GRIPAP1: variants seen among roughly 807,000 people sequenced by gnomAD.
The protein encoded by GRIPAP1 is GRIP1 associated protein 1.
Under a neutral mutation model 84.1 loss-of-function variants are expected in GRIPAP1, and 14 were observed. That is an observed-to-expected ratio of 0.17 (90% CI 0.11 to 0.26). The LOEUF is 0.26. GRIPAP1 is among the 10% of genes least tolerant of loss of function. The pLI is 1.00. For missense variants in GRIPAP1, 518 were observed against 674.2 expected (o/e 0.77, Z 2.57); for synonymous variants, 261 against 256.8 (o/e 1.02, Z -0.15).
intron 5 of GRIPAP1, among the ~76,000 whole-genome samples, chrX:48,994,656 G>C (rs2064537941): frequency 8.9e-6 from 1 of 111,858 alleles, no homozygotes; most frequent in African/African-American, 3.2e-5. Flanking sequence ...GAAAATTCCA[G>C]TACTCTCTGT....
Position 48,976,334 on chromosome X carries a change from G to T in GRIPAP1, c.2091C>A (p.Pro697=). Residue 697 remains proline, a synonymous_variant, in exon 23 of 26, where the codon CCC becomes CCA. Coordinates refer to ENST00000376423, the MANE Select transcript of GRIPAP1 (RefSeq NM_020137.5). Reference sequence around the variant, plus strand: ...CATCTGACAGCTCTGCTGGCCGAGGGGGCTGGGCTTGAGGGCTGCTGGATA... The same window carrying T: ...CATCTGACAGCTCTGCTGGCCGAGGTGGCTGGGCTTGAGGGCTGCTGGATA... ...RSLSSSPQAQ[P]PRPAELSDEE... is the part of the protein sequence containing the mutation. The T allele has an allele frequency of 8.3e-7, 1 of 1,199,962 alleles. No homozygotes were observed. The highest frequency in any genetic ancestry group is 1.1e-6 in the Non-Finnish European group (1 of 889,947).
In GRIPAP1 at chrX:48,999,305, G is replaced by A; in HGVS notation, c.110-6C>T. The A allele has an allele frequency of 8.3e-7, 1 of 1,203,110 alleles. No homozygotes were observed. Among genetic ancestry groups the A allele is most frequent in the East Asian group, 3.0e-5 (1 of 33,806 alleles). ...CTGTCGAAGACTGGTGAGTTCTGGT[G>A]TCGGGAAAGCAGGGAAACTCAGCCT... On this transcript the variant is annotated splice_polypyrimidine_tract_variant and splice_region_variant and intron_variant, in intron 2 of 25. Transcript: ENST00000376423.
intron 24 of GRIPAP1, 48 bp from the exon 25 acceptor site, chrX:48,975,357 G>A: frequency 1.8e-6 from 2 of 1,106,315 alleles, no homozygotes; most frequent in South Asian, 4.1e-5. Context: ...AGCCAGAGGA[G>A]AGCCAGGCAG....
At chrX:48,993,670 C>A (rs1234752724) in intron 5 of GRIPAP1, 92 bp from the exon 6 acceptor site, 1 of 666,580 alleles carries the variant, frequency 1.5e-6, no homozygotes, top group Non-Finnish European at 2.1e-6. Context: ...CTTTACAATT[C>A]ACTTAATTCC....
chrX:48,997,916 AAC>A (rs781886891), intron 4 of GRIPAP1: 1 of 421,320 alleles, frequency 2.4e-6, no homozygotes, highest in Non-Finnish European at 4.1e-6. Flanking sequence ...GGAACAGGAA[AAC>A]AGACAGAGAC....
chrX:48,985,519 G>A (rs2064482218), intron 13 of GRIPAP1, 117 bp from the exon 14 acceptor site: 1 of 568,966 alleles, frequency 1.8e-6, no homozygotes, highest in Non-Finnish European at 2.9e-6. Flanking sequence ...GAACCAGGAA[G>A]AGAGAGGAAA....
chrX:48,982,886 C>T (rs1236096546), intron 17 of GRIPAP1, 93 bp downstream of exon 17: 6 of 559,677 alleles, frequency 1.1e-5, no homozygotes, highest in South Asian at 5.0e-5. Flanking sequence ...CAGAAAATCT[C>T]GGGAAGTTCC....
intron 6 of GRIPAP1, among the ~76,000 whole-genome samples, chrX:48,991,959 G>T (rs1557065659): frequency 8.9e-6 from 1 of 111,942 alleles, no homozygotes; most frequent in African/African-American, 3.2e-5. Context: ...AAGTAGCTGG[G>T]ACTACAAGTG....
chrX:48,997,487 T>C, intron 4 of GRIPAP1, 130 bp from the exon 5 acceptor site: 2 of 464,093 alleles, frequency 4.3e-6, no homozygotes, highest in Admixed American at 3.1e-5. Flanking sequence ...TGAGGTGATA[T>C]AGGAGAAAGA....
intron 25 of GRIPAP1, 142 bp from the exon 26 acceptor site, chrX:48,974,427 T>A: frequency 2.2e-6 from 1 of 452,448 alleles, no homozygotes; most frequent in Non-Finnish European, 3.9e-6. Flanking sequence ...AGAAGGTACT[T>A]GGAGAAGCTC....
intron 17 of GRIPAP1, among the ~76,000 whole-genome samples, chrX:48,982,585 A>T (rs2064463624): frequency 1.8e-5 from 2 of 112,355 alleles, no homozygotes; most frequent in Admixed American, 1.9e-4. Flanking sequence ...CATGTTGGCC[A>T]GGCTGGTCTT....
intron 15 of GRIPAP1, 71 bp from the exon 16 acceptor site, chrX:48,983,511 T>G (rs1557062876): frequency 1.1e-6 from 1 of 924,647 alleles, no homozygotes; most frequent in African/African-American, 1.9e-5. Flanking sequence ...CCTCTTCCCA[T>G]GCCCAAGGAA....
In GRIPAP1 at chrX:48,992,752, T is replaced by C. The variant is rs190522415; in HGVS notation, c.457+676A>G. Among the ~76,000 whole-genome samples the C allele has an allele frequency of 1.1e-4, 12 of 111,787 alleles. No individual in the cohort carries two copies. In the East Asian group the frequency reaches 3.4e-3, roughly 31 times the overall value. ...CTATCAAGCTTTCTTTCAGCTTTCA[T>C]CCCAGACCCCACTTACAATCTGGGC... On this transcript the variant is annotated intron_variant, in intron 6 of 25. Coordinates refer to ENST00000376423, the MANE Select transcript of GRIPAP1 (RefSeq NM_020137.5).
chrX:48,987,200 G>A (rs2147740912), intron 13 of GRIPAP1, among the ~76,000 whole-genome samples: 1 of 98,598 alleles, frequency 1.0e-5, no homozygotes, highest in South Asian at 4.9e-4. Context: ...CCAGGCTGGA[G>A]TGCAATGGCA....
chrX:48,974,082 G>T lies in GRIPAP1; in HGVS notation c.*111C>A. ...AGGCCTCTAGCCCCTTTAATGTCCA[G>T]TCTCCCAAGCTATTTGATTTTGGCT... On this transcript the variant is annotated 3_prime_UTR_variant, in exon 26 of 26. Coordinates refer to ENST00000376423, the MANE Select transcript of GRIPAP1 (RefSeq NM_020137.5). 1 of 488,062 alleles carries T rather than the reference G, an allele frequency of 2.0e-6. No individual in the cohort carries two copies. The allele number at this position is 488,062 out of a possible 1,213,427, so 40.2% of individuals were successfully genotyped here.
At position 48,975,923 on chromosome X, in the gene GRIPAP1, T is replaced by TC; in HGVS notation, c.2278+94dup. The TC allele has an allele frequency of 5.6e-6, 4 of 713,233 alleles. No homozygotes were observed. The Admixed American group carries it at 1.0e-4, about 18-fold the overall frequency. The allele number at this position is 713,233 out of a possible 1,213,427, so 58.8% of individuals were successfully genotyped here. A position where few individuals can be genotyped will look rare whatever the true frequency, so the allele number is the denominator to read the frequency against. ...GGTCTTGTCAGTAGCTTCGCTGAGT[T>TC]CCGAGAGGAGAGGAGAGAAGCCGCA... On this transcript the variant is annotated intron_variant, in intron 24 of 25. Transcript: ENST00000376423.
intron 18 of GRIPAP1, 31 bp from the exon 19 acceptor site, chrX:48,981,722 C>A (rs782359769): frequency 1.7e-6 from 2 of 1,168,132 alleles, no homozygotes; most frequent in African/African-American, 1.8e-5. Flanking sequence ...TAGGCATTGG[C>A]TTGGGAAGCC....
chrX:48,997,424 A>G, intron 4 of GRIPAP1, 67 bp from the exon 5 acceptor site: 1 of 614,997 alleles, frequency 1.6e-6, no homozygotes, highest in Non-Finnish European at 2.7e-6. Context: ...GGGCAAAGAA[A>G]CAGAGAGAGG....
chrX:48,997,402 G>A lies in GRIPAP1; in HGVS notation c.199-45C>T, dbSNP rs200418421. 4.8e-4 allele frequency: 346 copies of A among 722,629 alleles called. 2 individuals are homozygous for A. In the African/African-American group the frequency reaches 6.1e-3, roughly 13 times the overall value. 59.6% of individuals were successfully genotyped at this position (722,629 alleles called of 1,213,427 possible). On this transcript the variant is annotated intron_variant, in intron 4 of 25. Transcript: ENST00000376423. ...CCAGGACTCCAGCAAGGGCAAAAAGGATAGGGAGGTAGGGCAAAGAAACAG... is the reference window on the plus strand; with the variant it reads ...CCAGGACTCCAGCAAGGGCAAAAAGAATAGGGAGGTAGGGCAAAGAAACAG...
Sources: gnomAD v4.1 joint callset for allele counts (sites outside exome capture counted in the v4.1 genomes callset) on GRCh38, gnomAD v4.1.1 for gene constraint, MANE v1.5 for transcripts, NCBI Gene and HGNC (gene_info 2026-07-23, HGNC 2026-07-21) for gene names.